The following NPNT variants were observed in gnomAD, a reference collection of about 807,000 sequenced individuals.
NPNT encodes nephronectin.
Under a neutral mutation model 68.6 loss-of-function variants are expected in NPNT, and 45 were observed. The observed-to-expected ratio is 0.66, with a 90% CI of 0.52 to 0.84. The LOEUF is 0.84. NPNT is among the 40% of genes least tolerant of loss of function. NPNT has a pLI of 0.00. For missense variants in NPNT, 672 were observed against 714.8 expected (o/e 0.94, Z 0.68); for synonymous variants, 233 against 253.3 (o/e 0.92, Z 0.76).
At chr4:105,956,715 A>G (rs988079289) in intron 8 of NPNT, among the ~76,000 whole-genome samples, 2 of 152,174 alleles carry the variant, frequency 1.3e-5, no homozygotes, top group East Asian at 3.8e-4. Flanking sequence ...AGAGCACCAA[A>G]TAAGGAAAGT....
In NPNT at chr4:105,967,429, G is replaced by T; in HGVS notation, c.1587G>T (p.Gly529=). The change falls in exon 11 of 12, where the codon GGG becomes GGT. Residue 529 remains glycine (G), a synonymous_variant. Transcript: ENST00000379987. ...GWRQTQITLR[G]ADIKSVVFKG... ...GGCAAACACAGATCACCTTGCGAGG[G>T]GCTGACATCAAGAGCGTAAGTAGAT... 2 of 1,592,752 alleles carry T rather than the reference G, an allele frequency of 1.3e-6. No individual in the cohort carries two copies. The highest frequency in any genetic ancestry group is 1.7e-6 in the Non-Finnish European group (2 of 1,170,552).
intron 8 of NPNT, among the ~76,000 whole-genome samples, chr4:105,946,469 A>C (rs1730394635): frequency 1.3e-5 from 2 of 152,272 alleles, no homozygotes; most frequent in East Asian, 3.9e-4. Flanking sequence ...CCAATATTTT[A>C]ACATAGGTTC....
chr4:105,916,143 T>A lies in NPNT; in HGVS notation c.173-11193T>A, dbSNP rs988773524. 6.6e-5 allele frequency among the ~76,000 whole-genome samples: 10 copies of A among 152,210 alleles called. 1 individual carries two copies. Among genetic ancestry groups the A allele is most frequent in the Admixed American group, 2.6e-4 (4 of 15,270 alleles). ...TTTTCCCTCTTTTGGTTGCCTTTTT[T>A]TGTTTTACATCACCACCACTCCTAA... On this transcript the variant is annotated intron_variant, in intron 2 of 11. Transcript: ENST00000379987.
At chr4:105,930,049 A>G (rs1183028331) in intron 3 of NPNT, among the ~76,000 whole-genome samples, 1 of 152,222 alleles carries the variant, frequency 6.6e-6, no homozygotes, top group Non-Finnish European at 1.5e-5. Flanking sequence ...CTGACACTGA[A>G]AATGTAATTT....
intron 10 of NPNT, among the ~76,000 whole-genome samples, chr4:105,961,577 C>G (rs1157583810): frequency 2.0e-5 from 3 of 152,024 alleles, no homozygotes; most frequent in Non-Finnish European, 4.4e-5. Flanking sequence ...TTTTATTATT[C>G]ATTATATTTG....
chr4:105,932,737 C>T lies in NPNT; in HGVS notation c.266-4272C>T, dbSNP rs1015128075. The T allele has an allele frequency of 2.8e-5, 38 of 1,376,242 alleles. No homozygotes were observed. In the East Asian group the frequency reaches 9.5e-4, roughly 34 times the overall value. The allele number at this position is 1,376,242 out of a possible 1,614,324, so 85.3% of individuals were successfully genotyped here. On this transcript the variant is annotated intron_variant, in intron 3 of 11. Coordinates refer to ENST00000379987, the MANE Select transcript of NPNT (RefSeq NM_001033047.3). ...GCATTGTCCCAGGTGGTCTGCTCTT[C>T]CCACCTGCATGGCTTCCTGCAGTTA...
At chr4:105,912,340 G>GT in intron 2 of NPNT, 1 of 796,910 alleles carries the variant, frequency 1.3e-6, no homozygotes, top group Non-Finnish European at 2.0e-6. Context: ...CATTAGTTGT[G>GT]TTTTTGAATT....
At position 105,971,431 on chromosome 4, in the gene NPNT, T is replaced by C. The variant is rs1363572505; in HGVS notation, c.*2441T>C. 9.1e-6 allele frequency: 2 copies of C among 220,952 alleles called. No individual in the cohort carries two copies. The highest frequency in any genetic ancestry group is 9.6e-6 in the Non-Finnish European group (1 of 104,554). 13.7% of individuals were successfully genotyped at this position (220,952 alleles called of 1,614,324 possible). On this transcript the variant is annotated 3_prime_UTR_variant, in exon 12 of 12. Coordinates refer to ENST00000379987, the MANE Select transcript of NPNT (RefSeq NM_001033047.3). ...GAATATATGGCTGTAGATCCATTTT[T>C]AATGGTTCATTTCCTTTATGGTCAT...
At chr4:105,907,621 A>G (rs924388717) in intron 2 of NPNT, among the ~76,000 whole-genome samples, 1 of 152,198 alleles carries the variant, frequency 6.6e-6, no homozygotes, top group Non-Finnish European at 1.5e-5. Context: ...AGTGATGTCA[A>G]TAACCAGCTA....
intron 2 of NPNT, among the ~76,000 whole-genome samples, chr4:105,905,315 G>A (rs28674896): frequency 0.02 from 3,061 of 152,216 alleles, 103 homozygotes; most frequent in African/African-American, 0.069. Context: ...AGTAAGAAAT[G>A]CATGATTAGG....
chr4:105,935,590 G>C (rs987392087), intron 3 of NPNT, among the ~76,000 whole-genome samples: 2 of 152,096 alleles, frequency 1.3e-5, no homozygotes, highest in African/African-American at 4.8e-5. Context: ...TTTAAAATGT[G>C]ATTTTGTTTT....
intron 2 of NPNT, among the ~76,000 whole-genome samples, chr4:105,906,680 G>A (rs1473776953): frequency 1.3e-5 from 2 of 152,054 alleles, no homozygotes; most frequent in Non-Finnish European, 2.9e-5. Context: ...TTTTTAAGTC[G>A]ATATATTTTG....
At chr4:105,960,761 CGTGT>C (rs35898642) in intron 10 of NPNT, among the ~76,000 whole-genome samples, 14,165 of 149,152 alleles carry the variant, frequency 0.095, 824 homozygotes, top group African/African-American at 0.18. Flanking sequence ...AACATATCTA[CGTGT>C]GTGTGTGTGT....
Position 105,895,669 on chromosome 4 carries a change from C to A in NPNT, c.17C>A (p.Ala6Glu). The part of the protein sequence containing the change: MDFLL[A>E]LVLVSSLYLQ... ...CTGCCCAACATGGATTTTCTCCTGG[C>A]GCTGGTGCTGGTATCCTCGCTCTAC... The change falls in exon 1 of 12, where the codon GCG becomes GAG. Residue 6 changes from alanine to glutamate, a missense_variant. Coordinates refer to ENST00000379987, the MANE Select transcript of NPNT (RefSeq NM_001033047.3). 3 of 1,552,472 alleles carry A rather than the reference C, an allele frequency of 1.9e-6. No homozygotes were observed. Among genetic ancestry groups the A allele is most frequent in the Non-Finnish European group, 2.6e-6 (3 of 1,147,750 alleles).
chr4:105,922,033 A>G (rs185303790), intron 2 of NPNT, among the ~76,000 whole-genome samples: 1 of 152,168 alleles, frequency 6.6e-6, no homozygotes, highest in Non-Finnish European at 1.5e-5. Flanking sequence ...TAGTGGTGCC[A>G]TGTCTGCATA....
At chr4:105,958,836 C>G in intron 9 of NPNT, 192 bp from the exon 10 acceptor site, 1 of 565,060 alleles carries the variant, frequency 1.8e-6, no homozygotes, top group South Asian at 2.7e-5. Context: ...CTTGTGTGTT[C>G]TATTTTTACA....
chr4:105,919,587 T>C lies in NPNT; in HGVS notation c.173-7749T>C, dbSNP rs192178794. Among the ~76,000 whole-genome samples the C allele has an allele frequency of 8.5e-5, 13 of 152,264 alleles. No individual in the cohort carries two copies. The East Asian group carries it at 2.1e-3, about 25-fold the overall frequency. On this transcript the variant is annotated intron_variant, in intron 2 of 11. Coordinates refer to ENST00000379987, the MANE Select transcript of NPNT (RefSeq NM_001033047.3). ...TTGCTTTAAAACAATTCTACCACTT[T>C]TGTTTGTTTATTTGCTTCTCGACAA...
rs1309712400 is a variant in NPNT at position 105,941,368 on chromosome 4, T to C, written c.763+732T>C. Among the ~76,000 whole-genome samples the C allele has an allele frequency of 2.0e-5, 3 of 152,042 alleles. No individual in the cohort carries two copies. In the East Asian group the frequency reaches 5.8e-4, roughly 29 times the overall value. On this transcript the variant is annotated intron_variant, in intron 7 of 11. Transcript: ENST00000379987. ...TGTCTCAAAAGAAAAAAAAAGCCATTCCCATATTTATTTCCTCTACATTCA... is the reference window on the plus strand; with the variant it reads ...TGTCTCAAAAGAAAAAAAAAGCCATCCCCATATTTATTTCCTCTACATTCA...
chr4:105,897,832 A>G (rs1318560734), intron 1 of NPNT, 69 bp from the exon 2 acceptor site: 11 of 1,258,558 alleles, frequency 8.7e-6, no homozygotes, highest in African/African-American at 1.5e-5. Context: ...TTCTGAAGTA[A>G]TAATACAGAG....
Sources: gnomAD v4.1 joint callset for allele counts (sites outside exome capture counted in the v4.1 genomes callset) on GRCh38, gnomAD v4.1.1 for gene constraint, MANE v1.5 for transcripts, NCBI Gene and HGNC (gene_info 2026-07-23, HGNC 2026-07-21) for gene names.